Variants in RNF144B observed in about 807,000 individuals in gnomAD.
RNF144B encodes ring finger protein 144B.
A neutral mutation model predicts 40.2 loss-of-function variants in RNF144B; 25 were observed. That is an observed-to-expected ratio of 0.62 (90% CI 0.45 to 0.87). The LOEUF (loss-of-function observed/expected upper bound fraction) is 0.87. Among genes scored for constraint, RNF144B ranks in the 40% least tolerant of loss-of-function variants. The pLI is 0.00. For missense variants in RNF144B, 365 were observed against 373.7 expected, an observed-to-expected ratio of 0.98 and a Z score of 0.19; for synonymous variants, 145 against 136.3, an observed-to-expected ratio of 1.06 and a Z score of -0.44.
At position 18,468,564 on chromosome 6, in the gene RNF144B, T is replaced by C. The variant is rs952363112; in HGVS notation, c.*3497T>C. On this transcript the variant is annotated 3_prime_UTR_variant, in exon 8 of 8. Transcript: ENST00000259939. ...AAAATTATTCTGAATTAAATGTATA[T>C]TTCTTTAGCCTTCCCTACACAGTAC... 2 of 152,078 alleles carry C rather than the reference T, an allele frequency of 1.3e-5. No individual in the cohort carries two copies. Among genetic ancestry groups the C allele is most frequent in the African/African-American group, 2.4e-5 (1 of 41,418 alleles). 9.4% of individuals were successfully genotyped at this position (152,078 alleles called of 1,614,324 possible). A position where few individuals can be genotyped will look rare whatever the true frequency, so the allele number is the denominator to read the frequency against.
chr6:18,387,722 A>C (rs9371052), intron 1 of RNF144B, 92 bp downstream of exon 1: 182,496 of 1,101,326 alleles, frequency 0.17, 16,817 homozygotes, highest in Admixed American at 0.33. Context: ...ACTCACTGTG[A>C]CACCACAATT....
intron 4 of RNF144B, among the ~76,000 whole-genome samples, chr6:18,440,069 A>G (rs76643080): frequency 0.031 from 4,795 of 152,258 alleles, 251 homozygotes; most frequent in African/African-American, 0.11. Flanking sequence ...AATGGGTTTT[A>G]CCACTAATTT....
In RNF144B at chr6:18,459,647, T is replaced by C; in HGVS notation, c.577T>C (p.Cys193Arg). The C allele has an allele frequency of 6.2e-7, 1 of 1,614,040 alleles. No homozygotes were observed. Among genetic ancestry groups the C allele is most frequent in the Non-Finnish European group, 8.5e-7 (1 of 1,179,954 alleles). The change falls in exon 6 of 8, where the codon TGC (cysteine) becomes CGC (arginine). Residue 193 changes from cysteine (C) to arginine (R), a missense_variant. Coordinates refer to ENST00000259939, the MANE Select transcript of RNF144B (RefSeq NM_182757.4). The surrounding 1 kb of genome is among the most constrained non-coding windows in gnomAD (Gnocchi z 4.2). The part of the protein sequence containing the change: ...GTDAEAPIKQ[C>R]PVCRVYIERN... ...AGATGCAGAAGCCCCCATTAAGCAG[T>C]GCCCAGTTTGCCGGGTTTATATCGA...
chr6:18,461,022 G>T (rs895688572), intron 6 of RNF144B, among the ~76,000 whole-genome samples: 1 of 152,166 alleles, frequency 6.6e-6, no homozygotes, highest in African/African-American at 2.4e-5. Context: ...CAAGCGATTT[G>T]TGTAGTGCTT....
At chr6:18,433,072 A>T (rs1758728311) in intron 3 of RNF144B, among the ~76,000 whole-genome samples, 1 of 152,240 alleles carries the variant, frequency 6.6e-6, no homozygotes, top group South Asian at 2.1e-4. Context: ...TGGCTTTGGG[A>T]AAGTTGGCTA....
Position 18,457,411 on chromosome 6 carries a change from T to G in RNF144B, c.536+52T>G, listed in dbSNP as rs775055143. ...ATTATTCACTAGTTTTCTTAGAAAT[T>G]CAACATACCTTACGTGTAGAAGGAG... On this transcript the variant is annotated intron_variant, in intron 5 of 7. Coordinates refer to ENST00000259939, the MANE Select transcript of RNF144B (RefSeq NM_182757.4). This position sits in a 1 kb window ranked among gnomAD's most constrained non-coding sequence, Gnocchi z 5.1. 7.4e-7 allele frequency: 1 copy of G among 1,349,732 alleles called. No individual in the cohort carries two copies. Among genetic ancestry groups the G allele is most frequent in the Non-Finnish European group, 1.1e-6 (1 of 938,820 alleles). The allele number at this position is 1,349,732 out of a possible 1,614,324, so 83.6% of individuals were successfully genotyped here.
rs111442122 is a variant in RNF144B, at chr6:18,448,795, T to C, written c.332-8360T>C. The stretch of plus-strand genomic sequence containing the variant: ...ACCCTACTTTCTTTTCTAATCTGTT[T>C]CATTTTTATGCTGGTCACAACCTAT... On this transcript the variant is annotated intron_variant, in intron 4 of 7. Coordinates refer to ENST00000259939, the MANE Select transcript of RNF144B (RefSeq NM_182757.4). The surrounding 1 kb of genome is among the most constrained non-coding windows in gnomAD (Gnocchi z 4.0). Among the ~76,000 whole-genome samples the C allele has an allele frequency of 2.1e-3, 327 of 152,252 alleles. 1 individual carries two copies. Among genetic ancestry groups the C allele is most frequent in the African/African-American group, 7.5e-3 (310 of 41,554 alleles).
In RNF144B at chr6:18,418,889, A is replaced by G. The variant is rs915690249; in HGVS notation, c.166-8692A>G. On this transcript the variant is annotated intron_variant, in intron 2 of 7. Coordinates refer to ENST00000259939, the MANE Select transcript of RNF144B (RefSeq NM_182757.4). The surrounding 1 kb of genome is among the most constrained non-coding windows in gnomAD (Gnocchi z 5.2). Reference sequence around the variant, plus strand: ...GAGTCTGAATTAATTGGTCTGTGGTATGGCCTGGGCATTGGACTTCTGGAA... The same window carrying G: ...GAGTCTGAATTAATTGGTCTGTGGTGTGGCCTGGGCATTGGACTTCTGGAA... 2.0e-5 allele frequency among the ~76,000 whole-genome samples: 3 copies of G among 152,210 alleles called. No homozygotes were observed. The highest frequency in any genetic ancestry group is 3.9e-4 in the East Asian group (2 of 5,184).
chr6:18,440,881 C>G (rs1334150356), intron 4 of RNF144B, among the ~76,000 whole-genome samples: 3 of 138,208 alleles, frequency 2.2e-5, no homozygotes, highest in African/African-American at 8.0e-5. Context: ...ATATATTAAG[C>G]TAAATATACC....
At position 18,458,883 on chromosome 6, in the gene RNF144B, A is replaced by G. The variant is rs1215439159; in HGVS notation, c.537-724A>G. On this transcript the variant is annotated intron_variant, in intron 5 of 7. Transcript: ENST00000259939. This position sits in a 1 kb window ranked among gnomAD's most constrained non-coding sequence, Gnocchi z 4.8. ...ATTTCCTTTGTCATGTTGGCACTCAAAAAGTTTCAGATTTTGGAGCATTTT... is the reference window on the plus strand; with the variant it reads ...ATTTCCTTTGTCATGTTGGCACTCAGAAAGTTTCAGATTTTGGAGCATTTT... 6.6e-6 allele frequency among the ~76,000 whole-genome samples: 1 copy of G among 152,216 alleles called. No individual in the cohort carries two copies. The highest frequency in any genetic ancestry group is 1.5e-5 in the Non-Finnish European group (1 of 68,036).
At chr6:18,454,580 A>G (rs1759285029) in intron 4 of RNF144B, among the ~76,000 whole-genome samples, 1 of 152,154 alleles carries the variant, frequency 6.6e-6, no homozygotes, top group Non-Finnish European at 1.5e-5. Context: ...ATGGACCTTT[A>G]TGTGCTGTCA....
chr6:18,457,148 A>G lies in RNF144B; in HGVS notation c.332-7A>G, dbSNP rs747096990. 2.5e-6 allele frequency: 4 copies of G among 1,607,444 alleles called. No individual in the cohort carries two copies. Among genetic ancestry groups the G allele is most frequent in the East Asian group, 4.5e-5 (2 of 44,848 alleles). ...AGACCATCACATTTTCTTTCTTTAC[A>G]CTTTAGAAGTTCATCTGGACCCCTA... On this transcript the variant is annotated splice_region_variant and splice_polypyrimidine_tract_variant and intron_variant, in intron 4 of 7. Coordinates refer to ENST00000259939, the MANE Select transcript of RNF144B (RefSeq NM_182757.4). The surrounding 1 kb of genome is among the most constrained non-coding windows in gnomAD (Gnocchi z 5.1).
In RNF144B at chr6:18,465,179, C is replaced by G. The variant is rs1175826266; in HGVS notation, c.*112C>G. Reference sequence around the variant, plus strand: ...TCCTTGCCAACTTTGAAAGTGCCTCCGTGTCCAGACTTTGAACTTGCCTGC... The same window carrying G: ...TCCTTGCCAACTTTGAAAGTGCCTCGGTGTCCAGACTTTGAACTTGCCTGC... On this transcript the variant is annotated 3_prime_UTR_variant, in exon 8 of 8. Transcript: ENST00000259939. The G allele has an allele frequency of 1.3e-5, 14 of 1,097,518 alleles. No individual in the cohort carries two copies. In the South Asian group the frequency reaches 2.2e-4, roughly 17 times the overall value. 68.0% of individuals were successfully genotyped at this position (1,097,518 alleles called of 1,614,324 possible). A position where few individuals can be genotyped will look rare whatever the true frequency, so the allele number is the denominator to read the frequency against.
At chr6:18,390,007 G>C (rs954078399) in intron 1 of RNF144B, among the ~76,000 whole-genome samples, 2 of 152,178 alleles carry the variant, frequency 1.3e-5, no homozygotes, top group Non-Finnish European at 2.9e-5. Flanking sequence ...ACTACTGAGT[G>C]ACTGATTTGC....
rs1415382158 is a variant in RNF144B at position 18,446,495 on chromosome 6, G to A, written c.331+6751G>A. Among the ~76,000 whole-genome samples, 1 of 152,166 alleles carries A rather than the reference G, an allele frequency of 6.6e-6. No individual in the cohort carries two copies. Among genetic ancestry groups the A allele is most frequent in the African/African-American group, 2.4e-5 (1 of 41,438 alleles). On this transcript the variant is annotated intron_variant, in intron 4 of 7. Coordinates refer to ENST00000259939, the MANE Select transcript of RNF144B (RefSeq NM_182757.4). The surrounding 1 kb of genome is among the most constrained non-coding windows in gnomAD (Gnocchi z 4.7). ...AATATCTCTCTGGGTTGTTATTGCT[G>A]TTCTCTGGAAACACCTGAATGTAGG...
intron 2 of RNF144B, among the ~76,000 whole-genome samples, chr6:18,415,556 C>T (rs1795134311): frequency 6.6e-6 from 1 of 152,134 alleles, no homozygotes; most frequent in South Asian, 2.1e-4. Flanking sequence ...AATCACCTCC[C>T]GTGGGGGTTC....
chr6:18,438,553 T>A (rs988538047), intron 3 of RNF144B, among the ~76,000 whole-genome samples: 23 of 152,188 alleles, frequency 1.5e-4, no homozygotes, highest in South Asian at 6.2e-4. Context: ...TTAGCTAATT[T>A]AGATTCATTT....
intron 4 of RNF144B, among the ~76,000 whole-genome samples, chr6:18,440,831 A>C (rs1758946253): frequency 6.7e-6 from 1 of 148,862 alleles, no homozygotes. Flanking sequence ...AGCCAAAACC[A>C]GATTTATCTC....
At chr6:18,413,738 T>G (rs1245775241) in intron 2 of RNF144B, among the ~76,000 whole-genome samples, 1 of 152,238 alleles carries the variant, frequency 6.6e-6, no homozygotes, top group African/African-American at 2.4e-5. Context: ...TCCAAGTGAT[T>G]CTTCTGTGTT....
Sources: allele counts gnomAD v4.1 joint callset (sites outside exome capture counted in the v4.1 genomes callset), GRCh38; gene constraint gnomAD v4.1.1; non-coding constraint Gnocchi (gnomAD v3.1); transcripts MANE v1.5; gene names NCBI Gene and HGNC (gene_info 2026-07-23, HGNC 2026-07-21).